The following FAM161A variants were observed in gnomAD, a reference collection of about 807,000 sequenced individuals.
FAM161A encodes protein FAM161A.
A neutral mutation model predicts 70.9 loss-of-function variants in FAM161A; 57 were observed. The observed-to-expected ratio is 0.80, with a 90% CI of 0.65 to 1.00. The LOEUF is 1.00. Ranked by LOEUF, FAM161A falls within the 50% of genes least tolerant of loss-of-function variation. FAM161A has a pLI of 0.00. For synonymous variants in FAM161A, 299 were observed against 295.7 expected (o/e 1.01, Z -0.12); for missense variants, 880 against 836.0 (o/e 1.05, Z -0.65).
At chr2:61,803,291 A>G in the FAM161A span, 4 of 632,810 alleles carry the variant, frequency 6.3e-6, no homozygotes, top group African/African-American at 1.8e-5. Context: ...GGCATGATTT[A>G]TGATTCCTTG....
downstream of FAM161A, among the ~76,000 whole-genome samples, chr2:61,821,269 T>A (rs1174239086): frequency 6.6e-6 from 1 of 152,118 alleles, no homozygotes; most frequent in African/African-American, 2.4e-5. Context: ...GCCAGGCTGG[T>A]CTCAAACTCC....
At chr2:61,816,917 G>A in the FAM161A span, among the ~76,000 whole-genome samples, 1 of 152,170 alleles carries the variant, frequency 6.6e-6, no homozygotes, top group Non-Finnish European at 1.5e-5. Flanking sequence ...AGTTGCAGGG[G>A]CCCCAAGCAG....
chr2:61,825,639 CT>C lies in FAM161A; in HGVS notation c.*815del, dbSNP rs759062810. The C allele has an allele frequency of 0.11, 38,226 of 354,656 alleles. 9 individuals are homozygous for C. The highest frequency in any genetic ancestry group is 0.15 in the South Asian group (7,051 of 45,738). The allele number at this position is 354,656 out of a possible 1,614,324, so 22.0% of individuals were successfully genotyped here. A position where few individuals can be genotyped will look rare whatever the true frequency, so the allele number is the denominator to read the frequency against. ...TTGCAAGTATCCATTTTTTTCTATA[CT>C]TTTTTTTTTTTTTTGGAGACGGAGT... is the stretch of plus-strand genomic sequence containing the variant. On this transcript the variant is annotated 3_prime_UTR_variant, in exon 7 of 7. Transcript: ENST00000404929.
Position 61,840,491 on chromosome 2 carries a change from C to T in FAM161A, c.513G>A (p.Val171=). ...TGGGTAACTCCTCTTCAGAGGAGGACACATACAAGGAGGAAGACTGGCCTA... is the reference window on the plus strand; with the variant it reads ...TGGGTAACTCCTCTTCAGAGGAGGATACATACAAGGAGGAAGACTGGCCTA... The part of the protein sequence containing the change: ...PDLGQSSSLY[V]SSSEEELPNL... Residue 171 remains valine, a synonymous_variant, in exon 3 of 7, where the codon GTG becomes GTA. Transcript: ENST00000404929. 1 of 1,613,178 alleles carries T rather than the reference C, an allele frequency of 6.2e-7. No individual in the cohort carries two copies. Among genetic ancestry groups the T allele is most frequent in the Non-Finnish European group, 8.5e-7 (1 of 1,179,248 alleles).
chr2:61,845,503 G>A (rs1385485658), intron 1 of FAM161A, among the ~76,000 whole-genome samples: 1 of 152,090 alleles, frequency 6.6e-6, no homozygotes, highest in Non-Finnish European at 1.5e-5. Context: ...AAGACTTCCT[G>A]GAGGAGGTAA....
At chr2:61,850,089 A>G (rs2105104299) in intron 1 of FAM161A, among the ~76,000 whole-genome samples, 1 of 152,206 alleles carries the variant, frequency 6.6e-6, no homozygotes, top group Admixed American at 6.5e-5. Context: ...TCTGTATCTA[A>G]AATAACAGGT....
chr2:61,812,448 G>A, the FAM161A span, among the ~76,000 whole-genome samples: 9,287 of 152,272 alleles, frequency 0.061, 345 homozygotes, highest in African/African-American at 0.07. Context: ...TAGTCCAGGC[G>A]TGGTGGCTCA....
At position 61,842,656 on chromosome 2, in the gene FAM161A, A is replaced by G. The variant is rs1572885004; in HGVS notation, c.184-296T>C. Among the ~76,000 whole-genome samples, 4 of 152,234 alleles carry G rather than the reference A, an allele frequency of 2.6e-5. No homozygotes were observed. The East Asian group carries it at 7.7e-4, about 29-fold the overall frequency. On this transcript the variant is annotated intron_variant, in intron 1 of 6. Transcript: ENST00000404929. ...ACCAACAAAAGGTATAATAGGATAGAACCCAACAACCCTTTACAAAGTATT... is the reference window on the plus strand; with the variant it reads ...ACCAACAAAAGGTATAATAGGATAGGACCCAACAACCCTTTACAAAGTATT...
At chr2:61,802,053 A>C in the FAM161A span, among the ~76,000 whole-genome samples, 2 of 152,254 alleles carry the variant, frequency 1.3e-5, no homozygotes, top group African/African-American at 4.8e-5. Flanking sequence ...ATTAGAATAA[A>C]ATTCCTGATC....
intron 5 of FAM161A, among the ~76,000 whole-genome samples, chr2:61,829,139 C>G (rs1405186702): frequency 6.6e-6 from 1 of 152,218 alleles, no homozygotes; most frequent in Non-Finnish European, 1.5e-5. Flanking sequence ...GCCCCCGCCT[C>G]AAAGGTGAAA....
chr2:61,835,813 C>A (rs1360783306), intron 5 of FAM161A, 197 bp downstream of exon 5: 1 of 567,990 alleles, frequency 1.8e-6, no homozygotes, highest in Non-Finnish European at 3.2e-6. Flanking sequence ...TACAGGTGCA[C>A]ACCACCACAC....
chr2:61,806,748 A>G, the FAM161A span, among the ~76,000 whole-genome samples: 9 of 117,542 alleles, frequency 7.7e-5, no homozygotes, highest in East Asian at 1.1e-3. Context: ...GCTGGAGTGC[A>G]GTGGCGCCAT....
chr2:61,814,732 C>G, the FAM161A span, among the ~76,000 whole-genome samples: 2 of 152,126 alleles, frequency 1.3e-5, no homozygotes, highest in African/African-American at 4.8e-5. Context: ...CATGTTTGTT[C>G]AATATGCATG....
the FAM161A span, among the ~76,000 whole-genome samples, chr2:61,814,491 T>C: frequency 6.6e-6 from 1 of 152,140 alleles, no homozygotes; most frequent in Non-Finnish European, 1.5e-5. Context: ...TTCTCTTCCT[T>C]TCCTCTGCTC....
Position 61,827,261 on chromosome 2 carries a change from A to G in FAM161A, c.1852-3T>C, listed in dbSNP as rs745988939. On this transcript the variant is annotated splice_region_variant and splice_polypyrimidine_tract_variant and intron_variant, in intron 5 of 6. Transcript: ENST00000404929. The stretch of plus-strand genomic sequence containing the variant: ...TCTGCTGCCATTCTTGCATTTTTCT[A>G]TAGGAAAGACAAACCTTTTTAGACG... 1.1e-5 allele frequency: 17 copies of G among 1,612,654 alleles called. No individual in the cohort carries two copies. The highest frequency in any genetic ancestry group is 1.4e-5 in the Non-Finnish European group (16 of 1,179,860).
chr2:61,853,494 T>G (rs1027080260), intron 1 of FAM161A, among the ~76,000 whole-genome samples: 2 of 152,206 alleles, frequency 1.3e-5, no homozygotes, highest in African/African-American at 4.8e-5. Context: ...GAAACACACC[T>G]GACAGAACAG....
At position 61,840,282 on chromosome 2, in the gene FAM161A, G is replaced by C; in HGVS notation, c.722C>G (p.Pro241Arg). 1 of 1,614,002 alleles carries C rather than the reference G, an allele frequency of 6.2e-7. No individual in the cohort carries two copies. Among genetic ancestry groups the C allele is most frequent in the Non-Finnish European group, 8.5e-7 (1 of 1,179,998 alleles). The change falls in exon 3 of 7, where the codon CCT (proline) becomes CGT (arginine). Residue 241 changes from proline to arginine, a missense_variant. Coordinates refer to ENST00000404929, the MANE Select transcript of FAM161A (RefSeq NM_001201543.2). ...EWVPTITVPE[P>R]FQMMIREQKK... ...CTGTTCTCTTATCATCATTTGAAAA[G>C]GCTCCGGTACTGTAATTGTGGGCAC...
chr2:61,832,293 CA>C (rs140898036), intron 5 of FAM161A, among the ~76,000 whole-genome samples: 3 of 143,500 alleles, frequency 2.1e-5, no homozygotes, highest in African/African-American at 5.1e-5. Flanking sequence ...CCAACAACAA[CA>C]AAAAAAAACG....
chr2:61,839,912 A>G lies in FAM161A; in HGVS notation c.1092T>C (p.Thr364=). Residue 364 remains threonine, a synonymous_variant, in exon 3 of 7, where the codon ACT becomes ACC. Coordinates refer to ENST00000404929, the MANE Select transcript of FAM161A (RefSeq NM_001201543.2). ...ACTTGTCATTGGTAGTTGAACCATA[A>G]GTAGATCGAGGAATGGGTCTGGCTT... The part of the protein sequence containing the change: ...RFKARPIPRS[T]YGSTTNDKLK... 1.2e-6 allele frequency: 2 copies of G among 1,614,206 alleles called. No individual in the cohort carries two copies. The highest frequency in any genetic ancestry group is 1.7e-6 in the Non-Finnish European group (2 of 1,180,038).
Sources: gnomAD v4.1 joint callset for allele counts (sites outside exome capture counted in the v4.1 genomes callset) on GRCh38, gnomAD v4.1.1 for gene constraint, MANE v1.5 for transcripts, NCBI Gene and HGNC (gene_info 2026-07-23, HGNC 2026-07-21) for gene names.